The following DLG1 variants were observed in gnomAD, a reference collection of about 807,000 sequenced individuals.
DLG1 encodes the protein disks large homolog 1.
DLG1 carries 42 observed loss-of-function variants against 123.4 expected under a neutral mutation model. That is an observed-to-expected ratio of 0.34 (90% CI 0.27 to 0.44). The LOEUF is 0.44. DLG1 is among the 20% of genes least tolerant of loss of function. The probability of loss-of-function intolerance (pLI) is 1.00; values close to 1 mark genes in which losing one functional copy is unlikely to be tolerated. For synonymous variants in DLG1, 317 were observed against 356.2 expected (o/e 0.89, Z 1.24); for missense variants, 942 against 1,082.6 (o/e 0.87, Z 1.82).
At chr3:197,070,565 ATT>A (rs57981766) in intron 18 of DLG1, 21,260 of 75,878 alleles carry the variant, frequency 0.28, 2,633 homozygotes, top group African/African-American at 0.38. Context: ...TGGAAATTTC[ATT>A]TTTTTTTTTT....
chr3:197,081,238 A>AC, intron 16 of DLG1, 121 bp from the exon 17 acceptor site: 3 of 841,564 alleles, frequency 3.6e-6, no homozygotes, highest in Non-Finnish European at 5.3e-6. Context: ...TTTAAGAGTC[A>AC]TCTAGGTTTG....
At chr3:197,222,603 G>C (rs1297394368) in intron 4 of DLG1, among the ~76,000 whole-genome samples, 1 of 152,138 alleles carries the variant, frequency 6.6e-6, no homozygotes, top group Admixed American at 6.6e-5. Context: ...AACATAGCAA[G>C]GAGATACGAA....
At chr3:197,088,776 A>C (rs1179102758) in intron 15 of DLG1, among the ~76,000 whole-genome samples, 1 of 152,238 alleles carries the variant, frequency 6.6e-6, no homozygotes, top group Non-Finnish European at 1.5e-5. Context: ...AAAGATATTT[A>C]GTAGTAAGAA....
At chr3:197,299,189 G>A (rs547517637), upstream of DLG1, 32 of 152,372 alleles carry the variant, frequency 2.1e-4, no homozygotes, top group African/African-American at 7.5e-4. Flanking sequence ...ATCTCGGGAA[G>A]CTTTCCAAGT....
intron 18 of DLG1, among the ~76,000 whole-genome samples, chr3:197,071,985 G>A (rs1250248963): frequency 6.6e-6 from 1 of 152,084 alleles, no homozygotes; most frequent in Non-Finnish European, 1.5e-5. Flanking sequence ...GTATAAGAAT[G>A]TTCAAAGCAA....
chr3:197,091,690 AACT>A (rs1757814438), intron 14 of DLG1, among the ~76,000 whole-genome samples: 1 of 152,134 alleles, frequency 6.6e-6, no homozygotes, highest in South Asian at 2.1e-4. Flanking sequence ...ACATATTAAA[AACT>A]ACTAAATCTA....
At chr3:197,123,444 C>G (rs1477924763) in intron 11 of DLG1, among the ~76,000 whole-genome samples, 1 of 152,042 alleles carries the variant, frequency 6.6e-6, no homozygotes, top group Non-Finnish European at 1.5e-5. Flanking sequence ...AAGATTTGAA[C>G]AGACATTGCA....
chr3:197,209,219 T>C (rs1730126602), intron 4 of DLG1, among the ~76,000 whole-genome samples: 1 of 146,190 alleles, frequency 6.8e-6, no homozygotes, highest in South Asian at 2.6e-4. Context: ...GTATATAAAC[T>C]GTAAGCATAA....
chr3:197,210,825 T>C (rs1341563391), intron 4 of DLG1, among the ~76,000 whole-genome samples: 1 of 144,812 alleles, frequency 6.9e-6, no homozygotes, highest in Non-Finnish European at 1.5e-5. Context: ...AACTATGAGA[T>C]CAGCATAACC....
At chr3:197,296,815 T>C in intron 2 of DLG1, 1 of 351,496 alleles carries the variant, frequency 2.8e-6, no homozygotes, top group South Asian at 5.1e-5. Flanking sequence ...TTATCTACAA[T>C]TTGTCATCAT....
At chr3:197,122,101 A>G (rs1219532327) in intron 11 of DLG1, among the ~76,000 whole-genome samples, 2 of 152,064 alleles carry the variant, frequency 1.3e-5, no homozygotes, top group Non-Finnish European at 2.9e-5. Flanking sequence ...TAAACAAAAT[A>G]TAAGCAGTTC....
At chr3:197,201,340 C>T (rs978072245) in intron 4 of DLG1, among the ~76,000 whole-genome samples, 2 of 152,166 alleles carry the variant, frequency 1.3e-5, no homozygotes, top group African/African-American at 2.4e-5. Flanking sequence ...GCCAAGATCG[C>T]GCCACTGCGC....
chr3:197,105,040 A>G (rs769934851), intron 13 of DLG1, 35 bp from the exon 14 acceptor site: 3 of 1,364,944 alleles, frequency 2.2e-6, no homozygotes, highest in African/African-American at 1.5e-5. Context: ...TTGGGAGAAA[A>G]GAATCACTGT....
At chr3:197,128,004 G>A (rs1442428548) in intron 11 of DLG1, among the ~76,000 whole-genome samples, 1 of 152,122 alleles carries the variant, frequency 6.6e-6, no homozygotes, top group Non-Finnish European at 1.5e-5. Context: ...TGATAGCCTT[G>A]ATACTGAGGG....
intron 4 of DLG1, among the ~76,000 whole-genome samples, chr3:197,197,640 C>G (rs1217046129): frequency 6.6e-6 from 1 of 152,206 alleles, no homozygotes. Context: ...CAGAAACTGA[C>G]AAGCTGATCC....
At chr3:197,275,838 C>T (rs558991760) in intron 4 of DLG1, among the ~76,000 whole-genome samples, 1 of 152,032 alleles carries the variant, frequency 6.6e-6, no homozygotes, top group East Asian at 1.9e-4. Context: ...TAGGTAACAA[C>T]AATTTATTGT....
chr3:197,177,034 T>A (rs963513015), intron 5 of DLG1, among the ~76,000 whole-genome samples: 1 of 152,026 alleles, frequency 6.6e-6, no homozygotes, highest in African/African-American at 2.4e-5. Flanking sequence ...AAACAGTGTT[T>A]AAGAACCAAT....
intron 14 of DLG1, among the ~76,000 whole-genome samples, chr3:197,102,200 A>G (rs992308013): frequency 1.3e-5 from 2 of 152,220 alleles, no homozygotes; most frequent in Admixed American, 6.5e-5. Flanking sequence ...TTTTTCTCAT[A>G]ATCAGAATCC....
At chr3:197,265,591 A>G (rs557830485) in intron 4 of DLG1, among the ~76,000 whole-genome samples, 1 of 152,322 alleles carries the variant, frequency 6.6e-6, no homozygotes, top group East Asian at 1.9e-4. Flanking sequence ...ATTAGTTTTG[A>G]TCAGTACATG....
Sources: gnomAD v4.1 joint callset for allele counts (sites outside exome capture counted in the v4.1 genomes callset) on GRCh38, gnomAD v4.1.1 for gene constraint, MANE v1.5 for transcripts, NCBI Gene and HGNC (gene_info 2026-07-23, HGNC 2026-07-21) for gene names.